The following ROBO2 variants were observed in gnomAD, a reference collection of about 807,000 sequenced individuals.
ROBO2 encodes roundabout homolog 2.
ROBO2 carries 53 observed loss-of-function variants against 160.8 expected under a neutral mutation model. That is an observed-to-expected ratio of 0.33 (90% CI 0.26 to 0.41). The LOEUF is 0.41. Ranked by LOEUF, ROBO2 falls within the 10% of genes least tolerant of loss-of-function variation. The pLI is 1.00. For synonymous variants in ROBO2, 664 were observed against 611.7 expected (o/e 1.09, Z -1.26); for missense variants, 1,577 against 1,722.4 (o/e 0.92, Z 1.49).
chr3:76,137,924 A>G (rs556305169), intron 2 of ROBO2, among the ~76,000 whole-genome samples: 80 of 152,002 alleles, frequency 5.3e-4, no homozygotes, highest in Non-Finnish European at 9.6e-4. Flanking sequence ...AATCCAGGAT[A>G]ATCTTCCCAT....
At chr3:76,192,582 T>A (rs996983741) in intron 2 of ROBO2, among the ~76,000 whole-genome samples, 19 of 142,612 alleles carry the variant, frequency 1.3e-4, no homozygotes, top group Admixed American at 9.8e-4. Context: ...GTCATAAAAG[T>A]TTTTTTTTTA....
chr3:76,397,981 A>G (rs372320623), intron 2 of ROBO2, among the ~76,000 whole-genome samples: 1 of 152,094 alleles, frequency 6.6e-6, no homozygotes, highest in Non-Finnish European at 1.5e-5. Context: ...CTGGGTATAT[A>G]CCCAAAGGAT....
chr3:76,802,296 C>T (rs2064260322), intron 2 of ROBO2, among the ~76,000 whole-genome samples: 1 of 152,106 alleles, frequency 6.6e-6, no homozygotes, highest in Admixed American at 6.5e-5. Flanking sequence ...GAGATTTTTC[C>T]CGTGTTATAG....
At chr3:77,463,138 A>T (rs905831182) in intron 2 of ROBO2, among the ~76,000 whole-genome samples, 1 of 152,186 alleles carries the variant, frequency 6.6e-6, no homozygotes, top group Non-Finnish European at 1.5e-5. Flanking sequence ...AGAGACTGGA[A>T]CAACATGTGC....
intron 2 of ROBO2, among the ~76,000 whole-genome samples, chr3:76,208,813 A>T (rs1702965649): frequency 1.3e-5 from 2 of 152,120 alleles, no homozygotes; most frequent in African/African-American, 2.4e-5. Flanking sequence ...TGGCACGGAC[A>T]TCTACCTAGC....
chr3:76,106,386 G>A (rs1000256113), intron 2 of ROBO2, among the ~76,000 whole-genome samples: 6 of 152,146 alleles, frequency 3.9e-5, no homozygotes, highest in East Asian at 1.9e-4. Flanking sequence ...GTTGATAAAC[G>A]CACTGTGCAT....
intron 2 of ROBO2, among the ~76,000 whole-genome samples, chr3:76,835,589 A>G (rs2109411302): frequency 6.6e-6 from 1 of 151,756 alleles, no homozygotes; most frequent in East Asian, 1.9e-4. Context: ...TTTGATAAGA[A>G]CCACTTTGAG....
At chr3:75,957,442 C>T (rs1309267150) in intron 2 of ROBO2, among the ~76,000 whole-genome samples, 1 of 150,730 alleles carries the variant, frequency 6.6e-6, no homozygotes. Context: ...TATGGTAGGG[C>T]AATTTTGTAT....
intron 2 of ROBO2, among the ~76,000 whole-genome samples, chr3:76,688,784 CCA>C (rs2092738057): frequency 6.6e-6 from 1 of 151,900 alleles, no homozygotes; most frequent in Non-Finnish European, 1.5e-5. Context: ...AGCTTTATAC[CCA>C]ATTTGTAATT....
intron 2 of ROBO2, among the ~76,000 whole-genome samples, chr3:77,132,422 T>C (rs1452061035): frequency 6.6e-6 from 1 of 152,070 alleles, no homozygotes; most frequent in Non-Finnish European, 1.5e-5. Flanking sequence ...TTATCAGATT[T>C]AAATTTATCA....
intron 2 of ROBO2, among the ~76,000 whole-genome samples, chr3:76,058,788 A>C: frequency 8.6e-6 from 1 of 116,518 alleles, no homozygotes; most frequent in Non-Finnish European, 1.8e-5. Flanking sequence ...TCCTAATGCT[A>C]TCCCTCCCCC....
intron 2 of ROBO2, among the ~76,000 whole-genome samples, chr3:76,639,464 TCACA>T (rs34047566): frequency 0.035 from 5,220 of 149,090 alleles, 224 homozygotes; most frequent in East Asian, 0.22. Context: ...CTACACTCTC[TCACA>T]CACACACACA....
At chr3:76,281,501 T>C (rs953484602) in intron 2 of ROBO2, among the ~76,000 whole-genome samples, 18 of 152,086 alleles carry the variant, frequency 1.2e-4, no homozygotes, top group African/African-American at 4.1e-4. Context: ...GGAGACATCA[T>C]AGTACTTCTA....
At chr3:76,910,596 T>G (rs572510270) in intron 2 of ROBO2, among the ~76,000 whole-genome samples, 2 of 151,654 alleles carry the variant, frequency 1.3e-5, no homozygotes, top group South Asian at 4.2e-4. Flanking sequence ...CGTGGTGGCA[T>G]GCACCTGTAG....
intron 2 of ROBO2, among the ~76,000 whole-genome samples, chr3:76,411,979 G>A (rs558760973): frequency 6.6e-6 from 1 of 152,218 alleles, no homozygotes; most frequent in South Asian, 2.1e-4. Flanking sequence ...CCATTTTCAC[G>A]CTGCTGATGA....
At chr3:76,466,349 A>G (rs1164439489) in intron 2 of ROBO2, among the ~76,000 whole-genome samples, 1 of 151,866 alleles carries the variant, frequency 6.6e-6, no homozygotes, top group Non-Finnish European at 1.5e-5. Context: ...AAGCCTTGGG[A>G]TCACCTACGT....
In ROBO2 at chr3:76,993,668, A is replaced by C. The variant is rs540923985; in HGVS notation, c.110-104346A>C. 2.8e-4 allele frequency among the ~76,000 whole-genome samples: 43 copies of C among 152,214 alleles called. 1 individual carries two copies. The highest frequency in any genetic ancestry group is 1.7e-3 in the South Asian group (8 of 4,830). On this transcript the variant is annotated intron_variant, in intron 2 of 26. Coordinates refer to the ROBO2 transcript ENST00000487694. ...TACTCAAACAGGAAGAAGAAAAGGA[A>C]AGTTACATACCATACTTTGATGGGA...
At chr3:76,221,459 C>G (rs778845105) in intron 2 of ROBO2, among the ~76,000 whole-genome samples, 4 of 150,952 alleles carry the variant, frequency 2.6e-5, no homozygotes, top group East Asian at 2.0e-4. Flanking sequence ...CAGTGCCACT[C>G]TCATTTTACA....
intron 2 of ROBO2, among the ~76,000 whole-genome samples, chr3:76,973,172 C>A (rs747366298): frequency 1.6e-4 from 24 of 152,154 alleles, no homozygotes; most frequent in Non-Finnish European, 2.6e-4. Context: ...CGATTTGCAT[C>A]TCCTCAGCTT....
Sources: gnomAD v4.1 joint callset for allele counts (sites outside exome capture counted in the v4.1 genomes callset) on GRCh38, gnomAD v4.1.1 for gene constraint, MANE v1.5 for transcripts, NCBI Gene and HGNC (gene_info 2026-07-23, HGNC 2026-07-21) for gene names.